Variants in MCCC1 observed in about 807,000 individuals in gnomAD.
MCCC1 encodes methylcrotonyl-CoA carboxylase subunit 1.
A neutral mutation model predicts 83.8 loss-of-function variants in MCCC1; 64 were observed. The ratio of observed to expected loss-of-function variants is 0.76; its 90% CI spans 0.62 to 0.94. The LOEUF is 0.94. MCCC1 is among the 40% of genes least tolerant of loss of function. MCCC1 has a pLI of 0.00. For synonymous variants in MCCC1, 322 were observed against 315.4 expected, an observed-to-expected ratio of 1.02 and a Z score of -0.22; for missense variants, 807 against 904.7, an observed-to-expected ratio of 0.89 and a Z score of 1.39.
rs1716129387 is a variant in MCCC1, at chr3:183,064,785, G to A, written c.761+6214C>T. ...ATGTAGGGGTGCAGCACCGGCAGGA[G>A]GCGCCTCAGAGCCATGGTGGGCAAA... is the stretch of plus-strand genomic sequence containing the variant. On this transcript the variant is annotated intron_variant, in intron 7 of 18. Transcript: ENST00000265594. The surrounding 1 kb of genome is among the most constrained non-coding windows in gnomAD (Gnocchi z 4.5). 6.6e-6 allele frequency among the ~76,000 whole-genome samples: 1 copy of A among 152,240 alleles called. No individual in the cohort carries two copies. Among genetic ancestry groups the A allele is most frequent in the Non-Finnish European group, 1.5e-5 (1 of 68,046 alleles).
In MCCC1 at chr3:183,015,297, C is replaced by A. The variant is rs1711531142; in HGVS notation, c.*141G>T. The stretch of plus-strand genomic sequence containing the variant: ...ATTAGTGACCCAAATGCATGATTCT[C>A]CAATATGAAAGGTGTTCAGCATAAG... On this transcript the variant is annotated 3_prime_UTR_variant, in exon 19 of 19. Transcript: ENST00000265594. The A allele has an allele frequency of 1.2e-6, 1 of 842,968 alleles. No individual in the cohort carries two copies. Among genetic ancestry groups the A allele is most frequent in the African/African-American group, 1.7e-5 (1 of 60,042 alleles). The allele number at this position is 842,968 out of a possible 1,614,324, so 52.2% of individuals were successfully genotyped here. A position where few individuals can be genotyped will look rare whatever the true frequency, so the allele number is the denominator to read the frequency against.
At chr3:183,062,246 C>T (rs1715891548) in intron 7 of MCCC1, among the ~76,000 whole-genome samples, 1 of 152,022 alleles carries the variant, frequency 6.6e-6, no homozygotes, top group Non-Finnish European at 1.5e-5. Flanking sequence ...TTAGGTGCTC[C>T]AGGTAAGAGG....
At chr3:183,090,519 A>C (rs1718238716) in intron 3 of MCCC1, among the ~76,000 whole-genome samples, 2 of 152,192 alleles carry the variant, frequency 1.3e-5, no homozygotes, top group African/African-American at 4.8e-5. Flanking sequence ...TAACCTAGGC[A>C]TCATCTCACT....
At chr3:183,102,512 G>T (rs919065975), upstream of MCCC1, among the ~76,000 whole-genome samples, 2 of 152,008 alleles carry the variant, frequency 1.3e-5, no homozygotes, top group African/African-American at 2.4e-5. Context: ...GTTTAAAAGA[G>T]AAAAACTTAT....
At chr3:183,105,995 A>G (rs1020250566) in intron 1 of MCCC1, among the ~76,000 whole-genome samples, 2 of 147,408 alleles carry the variant, frequency 1.4e-5, no homozygotes, top group African/African-American at 4.9e-5. Context: ...AGGTTGAAGC[A>G]GGAGAATCAC....
intron 15 of MCCC1, 63 bp from the exon 16 acceptor site, chr3:183,022,617 C>T: frequency 7.4e-7 from 1 of 1,355,782 alleles, no homozygotes; most frequent in Non-Finnish European, 1.0e-6. Flanking sequence ...TTAATAAGAT[C>T]AGAATCAATT....
chr3:183,020,788 C>G (rs556907786), intron 16 of MCCC1, among the ~76,000 whole-genome samples: 17 of 151,440 alleles, frequency 1.1e-4, no homozygotes, highest in Admixed American at 2.6e-4. Context: ...GGCTGGGCGC[C>G]GTGGCTCACG....
intron 1 of MCCC1, among the ~76,000 whole-genome samples, chr3:183,105,642 T>C (rs746582788): frequency 3.3e-5 from 5 of 152,106 alleles, no homozygotes; most frequent in Non-Finnish European, 7.4e-5. Context: ...CTTAGGCCTG[T>C]ATTAGCTATT....
intron 1 of MCCC1, among the ~76,000 whole-genome samples, chr3:183,105,904 A>G (rs1238585810): frequency 3.9e-5 from 6 of 152,126 alleles, no homozygotes; most frequent in African/African-American, 1.2e-4. Flanking sequence ...CCTGGCCAAC[A>G]TGGTGAAACC....
At chr3:183,021,762 T>C (rs569783149) in intron 16 of MCCC1, among the ~76,000 whole-genome samples, 10 of 152,310 alleles carry the variant, frequency 6.6e-5, no homozygotes, top group Non-Finnish European at 1.0e-4. Flanking sequence ...CTCAACTCCA[T>C]ATATAGTAGT....
intron 14 of MCCC1, among the ~76,000 whole-genome samples, chr3:183,027,612 A>G (rs1294891270): frequency 1.3e-5 from 2 of 152,178 alleles, no homozygotes; most frequent in African/African-American, 4.8e-5. Context: ...TGGGAGTTTG[A>G]GACCACCCTA....
chr3:183,091,321 A>G (rs1718315841), intron 3 of MCCC1, among the ~76,000 whole-genome samples: 1 of 152,188 alleles, frequency 6.6e-6, no homozygotes, highest in South Asian at 2.1e-4. Context: ...TAATCCCAGC[A>G]CTTTGGGAGG....
chr3:183,105,224 A>G (rs1003251200), intron 1 of MCCC1, among the ~76,000 whole-genome samples: 5 of 152,278 alleles, frequency 3.3e-5, no homozygotes, highest in Admixed American at 3.3e-4. Context: ...TATGCCTGTA[A>G]TCCCAGCTAC....
chr3:183,075,790 T>A (rs1717027244), intron 4 of MCCC1, among the ~76,000 whole-genome samples: 2 of 152,132 alleles, frequency 1.3e-5, no homozygotes. Flanking sequence ...TCTGCCCGCC[T>A]CGGCCTCCCA....
At chr3:183,032,052 T>A (rs1315334951) in intron 14 of MCCC1, among the ~76,000 whole-genome samples, 1 of 152,208 alleles carries the variant, frequency 6.6e-6, no homozygotes, top group Non-Finnish European at 1.5e-5. Context: ...TAGCTATGTA[T>A]CATTTTCTGA....
At chr3:183,082,990 A>T (rs1717624448) in intron 4 of MCCC1, among the ~76,000 whole-genome samples, 1 of 145,018 alleles carries the variant, frequency 6.9e-6, no homozygotes, top group Admixed American at 6.8e-5. Context: ...ACAACGTCTT[A>T]AAAAAAAAAG....
intron 4 of MCCC1, among the ~76,000 whole-genome samples, chr3:183,084,040 T>A (rs1409006008): frequency 1.3e-5 from 2 of 152,260 alleles, no homozygotes; most frequent in African/African-American, 4.8e-5. Context: ...TAAATGCAAA[T>A]TACAGTGGGT....
intron 7 of MCCC1, among the ~76,000 whole-genome samples, chr3:183,065,556 CG>C (rs1716193617): frequency 6.6e-6 from 1 of 151,484 alleles, no homozygotes; most frequent in African/African-American, 2.4e-5. Flanking sequence ...AAGTGAAATG[CG>C]TTTTTTTTGT....
chr3:183,097,208 C>G (rs992581141), intron 1 of MCCC1, among the ~76,000 whole-genome samples: 1 of 152,102 alleles, frequency 6.6e-6, no homozygotes, highest in Non-Finnish European at 1.5e-5. Context: ...CCACTGCAGT[C>G]CGCAGTCCGG....
Sources: gnomAD v4.1 joint callset for allele counts (sites outside exome capture counted in the v4.1 genomes callset) on GRCh38, gnomAD v4.1.1 for gene constraint, Gnocchi (gnomAD v3.1) non-coding constraint, MANE v1.5 for transcripts, NCBI Gene and HGNC (gene_info 2026-07-23, HGNC 2026-07-21) for gene names.